The following RBM27 variants were observed in gnomAD, a reference collection of about 807,000 sequenced individuals.
RBM27 encodes the protein RNA binding motif protein 27, also known as RNA-binding protein 27.
Under a neutral mutation model 135.3 loss-of-function variants are expected in RBM27, and 22 were observed. The ratio of observed to expected loss-of-function variants is 0.16; its 90% CI spans 0.12 to 0.23. RBM27 has a LOEUF of 0.23. Ranked by LOEUF, RBM27 falls within the 10% of genes least tolerant of loss-of-function variation. The pLI is 1.00. For missense variants in RBM27, 1,009 were observed against 1,281.0 expected (o/e 0.79, Z 3.24); for synonymous variants, 481 against 442.4 (o/e 1.09, Z -1.10).
In RBM27 at chr5:146,259,974, C is replaced by T. The variant is rs376396535; in HGVS notation, c.1740-771C>T. 6.1e-3 allele frequency among the ~76,000 whole-genome samples: 535 copies of T among 87,422 alleles called. 5 individuals are homozygous for T. Among genetic ancestry groups the T allele is most frequent in the African/African-American group, 0.026 (495 of 19,058 alleles). 57.4% of individuals were successfully genotyped at this position (87,422 alleles called of 152,430 possible). ...CGGCCTGGGCGACAGAGCGAGACTC[C>T]GTCTCAAAAAAAAAAAAAAAAAAAA... On this transcript the variant is annotated intron_variant, in intron 11 of 20. Transcript: ENST00000265271.
chr5:146,271,898 C>T (rs1045620115), intron 19 of RBM27, among the ~76,000 whole-genome samples: 1 of 152,116 alleles, frequency 6.6e-6, no homozygotes, highest in African/African-American at 2.4e-5. Context: ...ACAAGTTGTT[C>T]CAGAGCTATA....
At chr5:146,215,486 C>T (rs1278670230) in intron 1 of RBM27, among the ~76,000 whole-genome samples, 5 of 152,158 alleles carry the variant, frequency 3.3e-5, no homozygotes, top group African/African-American at 7.2e-5. Flanking sequence ...GTTCCTATAA[C>T]GTCAGAGAAA....
rs1759639519 is a variant in RBM27, at chr5:146,287,707, T to A, written c.*1677T>A. The A allele has an allele frequency of 6.6e-6, 1 of 152,162 alleles. No individual in the cohort carries two copies. Among genetic ancestry groups the A allele is most frequent in the African/African-American group, 2.4e-5 (1 of 41,458 alleles). The allele number at this position is 152,162 out of a possible 1,614,324, so 9.4% of individuals were successfully genotyped here. On this transcript the variant is annotated 3_prime_UTR_variant, in exon 21 of 21. Transcript: ENST00000265271. The stretch of plus-strand genomic sequence containing the variant: ...CTACATGTTTTCCTGGAATGATGTG[T>A]CAAACCAGGGTCATTTTTAAGTTCA...
intron 19 of RBM27, among the ~76,000 whole-genome samples, chr5:146,281,295 G>C (rs1044832966): frequency 6.6e-6 from 1 of 152,172 alleles, no homozygotes; most frequent in Non-Finnish European, 1.5e-5. Context: ...ACATGTGTTA[G>C]TTAAGCTTTG....
rs191496624 is a variant in RBM27 at position 146,262,703 on chromosome 5, G to T, written c.2191-788G>T. On this transcript the variant is annotated intron_variant, in intron 13 of 20. Transcript: ENST00000265271. The stretch of plus-strand genomic sequence containing the variant: ...TTCATGTAAGGGTGCAAAGGTGAAT[G>T]CTTCCCCTAGATGTTGGGTGAATAG... Among the ~76,000 whole-genome samples, 24 of 152,300 alleles carry T rather than the reference G, an allele frequency of 1.6e-4. No individual in the cohort carries two copies. The South Asian group carries it at 2.7e-3, about 17-fold the overall frequency.
chr5:146,213,204 G>A (rs1756042681), intron 1 of RBM27, among the ~76,000 whole-genome samples: 1 of 152,122 alleles, frequency 6.6e-6, no homozygotes, highest in African/African-American at 2.4e-5. Context: ...CCGGGTTCAA[G>A]CAATTCTCCT....
chr5:146,221,085 G>A (rs1756444688), intron 2 of RBM27, among the ~76,000 whole-genome samples: 1 of 151,576 alleles, frequency 6.6e-6, no homozygotes, highest in Non-Finnish European at 1.5e-5. Flanking sequence ...GCCGGGCATG[G>A]TGGTGGGCGC....
intron 19 of RBM27, among the ~76,000 whole-genome samples, chr5:146,284,204 TGA>T (rs1759488269): frequency 6.6e-6 from 1 of 152,126 alleles, no homozygotes. Context: ...GGTGGGGCTG[TGA>T]GAGATGCAGT....
At chr5:146,273,907 A>G (rs1464823209) in intron 19 of RBM27, among the ~76,000 whole-genome samples, 1 of 152,288 alleles carries the variant, frequency 6.6e-6, no homozygotes, top group East Asian at 1.9e-4. Flanking sequence ...AATGGCAGCT[A>G]TAAGTATGCT....
Position 146,203,772 on chromosome 5 carries a change from A to C in RBM27, c.7A>C (p.Ile3Leu). ML[I>L]EDVDALKSWL... Reference sequence around the variant, plus strand: ...AGCCCGCCTTCCCTGCACCATGCTCATAGAGGATGTGGATGCCCTCAAGTC... The same window carrying C: ...AGCCCGCCTTCCCTGCACCATGCTCCTAGAGGATGTGGATGCCCTCAAGTC... Residue 3 changes from isoleucine (I) to leucine (L), a missense_variant, in exon 1 of 21, where the codon ATA becomes CTA. Coordinates refer to ENST00000265271, the MANE Select transcript of RBM27 (RefSeq NM_018989.2). 1 of 1,550,690 alleles carries C rather than the reference A, an allele frequency of 6.4e-7. No homozygotes were observed. Among genetic ancestry groups the C allele is most frequent in the South Asian group, 1.2e-5 (1 of 83,978 alleles).
intron 3 of RBM27, among the ~76,000 whole-genome samples, chr5:146,225,177 G>T (rs181926752): frequency 2.5e-3 from 373 of 152,160 alleles, no homozygotes; most frequent in Non-Finnish European, 3.7e-3. Context: ...GCCCAGGCTG[G>T]TCTTGAACTC....
At chr5:146,280,496 T>C (rs1759291547) in intron 19 of RBM27, among the ~76,000 whole-genome samples, 1 of 152,180 alleles carries the variant, frequency 6.6e-6, no homozygotes. Flanking sequence ...GGTCAAGAAA[T>C]AGAACATTTC....
intron 1 of RBM27, 24 bp downstream of exon 1, chr5:146,203,848 G>GGCCGGC (rs762529725): frequency 2.6e-6 from 4 of 1,543,586 alleles, no homozygotes; most frequent in Non-Finnish European, 3.5e-6. Context: ...GCTGGGCCGG[G>GGCCGGC]GCCGGCGAAC....
chr5:146,230,579 G>T, intron 5 of RBM27, 78 bp from the exon 6 acceptor site: 38 of 1,430,084 alleles, frequency 2.7e-5, no homozygotes, highest in Non-Finnish European at 3.6e-5. Flanking sequence ...TGTTTTCTAT[G>T]TGAGAAAATA....
intron 8 of RBM27, among the ~76,000 whole-genome samples, chr5:146,250,222 C>T (rs143157272): frequency 4.1e-4 from 63 of 152,038 alleles, no homozygotes; most frequent in African/African-American, 1.4e-3. Context: ...GGGCAGATCA[C>T]GAGGTCAGGG....
At chr5:146,262,020 T>C (rs1758422335) in intron 13 of RBM27, among the ~76,000 whole-genome samples, 1 of 152,180 alleles carries the variant, frequency 6.6e-6, no homozygotes, top group South Asian at 2.1e-4. Context: ...TGAATCAGAA[T>C]CCCTATGGGT....
chr5:146,213,275 T>C (rs578199943), intron 1 of RBM27, among the ~76,000 whole-genome samples: 1 of 152,248 alleles, frequency 6.6e-6, no homozygotes, highest in African/African-American at 2.4e-5. Flanking sequence ...GCTAATTTTG[T>C]ATTTTTAGTA....
At chr5:146,203,865 G>T (rs1280388842) in intron 1 of RBM27, 41 bp downstream of exon 1, 12 of 1,165,434 alleles carry the variant, frequency 1.0e-5, no homozygotes, top group Non-Finnish European at 1.4e-5. Flanking sequence ...GAACGTGGGC[G>T]TTGGGGGCTC....
intron 1 of RBM27, among the ~76,000 whole-genome samples, chr5:146,207,362 C>T (rs564778639): frequency 8.1e-4 from 121 of 149,894 alleles, no homozygotes; most frequent in Non-Finnish European, 1.6e-3. Flanking sequence ...TACAGGCGCC[C>T]GCCACCATGC....
Sources: gnomAD v4.1 joint callset for allele counts (sites outside exome capture counted in the v4.1 genomes callset) on GRCh38, gnomAD v4.1.1 for gene constraint, MANE v1.5 for transcripts, NCBI Gene and HGNC (gene_info 2026-07-23, HGNC 2026-07-21) for gene names.